FOXN2: variants seen among roughly 807,000 people sequenced by gnomAD.
FOXN2 encodes the protein forkhead box protein N2.
FOXN2 carries 19 observed loss-of-function variants against 41.2 expected under a neutral mutation model. The ratio of observed to expected loss-of-function variants is 0.46; its 90% CI spans 0.32 to 0.68. The LOEUF (loss-of-function observed/expected upper bound fraction) is 0.68, where lower values mean the gene tolerates loss of function less well. Ranked by LOEUF, FOXN2 falls within the 30% of genes least tolerant of loss-of-function variation. The pLI, the probability that FOXN2 is intolerant of heterozygous loss-of-function variation, is 0.03. For missense variants in FOXN2, 587 were observed against 509.4 expected, an observed-to-expected ratio of 1.15 and a Z score of -1.47; for synonymous variants, 195 against 176.8, an observed-to-expected ratio of 1.10 and a Z score of -0.82.
chr2:48,332,873 G>A (rs1449700390), intron 2 of FOXN2, among the ~76,000 whole-genome samples: 1 of 152,168 alleles, frequency 6.6e-6, no homozygotes, highest in Non-Finnish European at 1.5e-5. Flanking sequence ...ATAGCTTAGT[G>A]AAAAGCAGGG....
At chr2:48,344,828 A>G (rs1392168100) in intron 2 of FOXN2, among the ~76,000 whole-genome samples, 1 of 133,276 alleles carries the variant, frequency 7.5e-6, no homozygotes, top group Non-Finnish European at 1.6e-5. Flanking sequence ...AAGCAAAACA[A>G]ACTCTGGAGG....
chr2:48,342,762 G>A (rs1558623338), intron 2 of FOXN2, among the ~76,000 whole-genome samples: 1 of 152,096 alleles, frequency 6.6e-6, no homozygotes, highest in African/African-American at 2.4e-5. Context: ...TATAAGGATA[G>A]TTTATAAACG....
At chr2:48,347,220 CTTTTTTTTTT>C (rs751958598) in intron 3 of FOXN2, among the ~76,000 whole-genome samples, 1 of 75,732 alleles carries the variant, frequency 1.3e-5, no homozygotes, top group Non-Finnish European at 2.4e-5. Flanking sequence ...TGTTTTGGTG[CTTTTTTTTTT>C]TTTTTTTTTT....
intron 1 of FOXN2, among the ~76,000 whole-genome samples, chr2:48,323,690 T>C (rs973336206): frequency 2.6e-5 from 4 of 152,142 alleles, no homozygotes; most frequent in African/African-American, 9.7e-5. Flanking sequence ...GTTCTCTTTA[T>C]TGATTATTTC....
chr2:48,372,029 C>T (rs1452100089), intron 5 of FOXN2, among the ~76,000 whole-genome samples: 1 of 152,162 alleles, frequency 6.6e-6, no homozygotes. Flanking sequence ...ATTTCTTTCT[C>T]TTACCTAATT....
chr2:48,359,381 T>A (rs1020767084), intron 4 of FOXN2, among the ~76,000 whole-genome samples: 1 of 152,050 alleles, frequency 6.6e-6, no homozygotes, highest in Non-Finnish European at 1.5e-5. Context: ...GCAACCTCCC[T>A]CTCCTGGGTT....
intron 1 of FOXN2, among the ~76,000 whole-genome samples, chr2:48,315,411 G>C (rs1558604292): frequency 6.6e-6 from 1 of 152,156 alleles, no homozygotes; most frequent in Non-Finnish European, 1.5e-5. Flanking sequence ...GTGTGTGTGG[G>C]AGCGACCCCG....
intron 2 of FOXN2, among the ~76,000 whole-genome samples, chr2:48,336,479 G>A (rs931432229): frequency 1.3e-5 from 2 of 150,398 alleles, no homozygotes; most frequent in Admixed American, 1.3e-4. Flanking sequence ...ATTTATTTAC[G>A]AGCAGACTAA....
chr2:48,338,312 A>T (rs969463618), intron 2 of FOXN2, among the ~76,000 whole-genome samples: 2 of 152,194 alleles, frequency 1.3e-5, no homozygotes, highest in Non-Finnish European at 2.9e-5. Flanking sequence ...TGGCCCAGAT[A>T]AAAGGCCTTG....
intron 1 of FOXN2, among the ~76,000 whole-genome samples, chr2:48,322,457 A>G (rs1181010146): frequency 1.3e-5 from 2 of 152,158 alleles, no homozygotes; most frequent in East Asian, 3.8e-4. Flanking sequence ...TTATTACTCA[A>G]GTATGTGTCC....
chr2:48,348,741 A>G (rs1435755662), intron 3 of FOXN2, among the ~76,000 whole-genome samples: 1 of 152,242 alleles, frequency 6.6e-6, no homozygotes, highest in African/African-American at 2.4e-5. Flanking sequence ...ACTCCTACAG[A>G]GATGGACTGC....
At chr2:48,330,423 T>C (rs1014764982) in intron 2 of FOXN2, among the ~76,000 whole-genome samples, 1 of 152,246 alleles carries the variant, frequency 6.6e-6, no homozygotes, top group Non-Finnish European at 1.5e-5. Context: ...TTTGGATTTC[T>C]GGGCTTTGCC....
intron 2 of FOXN2, among the ~76,000 whole-genome samples, chr2:48,331,077 G>A (rs992235078): frequency 1.3e-5 from 2 of 152,222 alleles, no homozygotes; most frequent in South Asian, 2.1e-4. Flanking sequence ...ATTAGAAACA[G>A]CACAATTGAT....
intron 2 of FOXN2, among the ~76,000 whole-genome samples, chr2:48,341,990 T>C (rs982471758): frequency 2.0e-5 from 3 of 152,206 alleles, no homozygotes; most frequent in Non-Finnish European, 4.4e-5. Flanking sequence ...ATGACCTTTT[T>C]AAGATTTGAT....
rs906559493 is a variant in FOXN2, at chr2:48,356,203, A to G, written c.538-2844A>G. Among the ~76,000 whole-genome samples, 3 of 152,162 alleles carry G rather than the reference A, an allele frequency of 2.0e-5. No homozygotes were observed. The South Asian group carries it at 6.2e-4, about 31-fold the overall frequency. ...ACGCCTGTAATCCCAACACTTTGGG[A>G]GCCGAGGCAGGTGGATCACTTGAGG... On this transcript the variant is annotated intron_variant, in intron 3 of 6. Transcript: ENST00000340553.
intron 2 of FOXN2, among the ~76,000 whole-genome samples, chr2:48,331,114 A>T (rs1324035666): frequency 6.6e-6 from 1 of 152,232 alleles, no homozygotes; most frequent in African/African-American, 2.4e-5. Flanking sequence ...AGAGGTAATA[A>T]GGAAAGATAT....
At chr2:48,370,993 C>T (rs1672855230) in intron 5 of FOXN2, among the ~76,000 whole-genome samples, 1 of 152,066 alleles carries the variant, frequency 6.6e-6, no homozygotes, top group Admixed American at 6.6e-5. Flanking sequence ...GTGGGAGTCT[C>T]GTTTCATTCT....
intron 1 of FOXN2, among the ~76,000 whole-genome samples, chr2:48,323,803 C>T (rs1669493310): frequency 6.6e-6 from 1 of 151,906 alleles, no homozygotes; most frequent in Non-Finnish European, 1.5e-5. Context: ...CTTGTTCAGG[C>T]CAATGTTCAG....
chr2:48,365,809 T>A (rs1672492348), intron 5 of FOXN2, among the ~76,000 whole-genome samples: 1 of 152,206 alleles, frequency 6.6e-6, no homozygotes, highest in South Asian at 2.1e-4. Flanking sequence ...TCTCCATGAA[T>A]TTTAAGGGAA....
Sources: gnomAD v4.1 joint callset for allele counts (sites outside exome capture counted in the v4.1 genomes callset) on GRCh38, gnomAD v4.1.1 for gene constraint, MANE v1.5 for transcripts, NCBI Gene and HGNC (gene_info 2026-07-23, HGNC 2026-07-21) for gene names.